Variants in CIMAP2 observed in about 807,000 individuals in gnomAD.
CIMAP2 encodes ciliary microtubule-associated protein 2.
chr1:54,836,303 GC>G, the CIMAP2 span, among the ~76,000 whole-genome samples: 3 of 196 alleles, frequency 0.015, no homozygotes, highest in South Asian at 0.14. Context: ...CTGCCTGCCT[GC>G]CTGCCTGCCT....
chr1:54,838,725 C>T, the CIMAP2 span, among the ~76,000 whole-genome samples: 16 of 152,074 alleles, frequency 1.1e-4, no homozygotes, highest in African/African-American at 2.9e-4. Context: ...CTGGGATGGT[C>T]TTGGATGGAA....
the CIMAP2 span, chr1:54,807,605 G>T: frequency 6.2e-7 from 1 of 1,609,340 alleles, no homozygotes; most frequent in Non-Finnish European, 8.5e-7. Context: ...GTGGACACAG[G>T]CTGGGCCAAG....
At chr1:54,811,772 T>TTCCCCCACCCCCCC in the CIMAP2 span, 2 of 454,868 alleles carry the variant, frequency 4.4e-6, no homozygotes, top group South Asian at 1.6e-5. Flanking sequence ...ACAGCCTCCA[T>TTCCCCCACCCCCCC]GCCCCCACCC....
chr1:54,836,718 T>A, the CIMAP2 span, among the ~76,000 whole-genome samples: 61 of 152,012 alleles, frequency 4.0e-4, 1 homozygote, highest in African/African-American at 1.4e-3. Flanking sequence ...CCTGGAAAGG[T>A]GGCCTGGAGA....
chr1:54,828,124 A>G, the CIMAP2 span, among the ~76,000 whole-genome samples: 1 of 152,240 alleles, frequency 6.6e-6, no homozygotes, highest in African/African-American at 2.4e-5. Flanking sequence ...TAAATAAGAA[A>G]TATAAAATAT....
At chr1:54,814,162 CCT>C in the CIMAP2 span, among the ~76,000 whole-genome samples, 2 of 152,150 alleles carry the variant, frequency 1.3e-5, no homozygotes, top group Admixed American at 6.5e-5. Context: ...GGTTTATACC[CCT>C]GTCCTATGAA....
At chr1:54,807,510 C>A in the CIMAP2 span, 1 of 1,508,822 alleles carries the variant, frequency 6.6e-7, no homozygotes. Flanking sequence ...ACAGCTCTGA[C>A]CACACTCTGA....
At chr1:54,842,128 G>A in the CIMAP2 span, 1 of 559,084 alleles carries the variant, frequency 1.8e-6, no homozygotes, top group Non-Finnish European at 3.2e-6. Flanking sequence ...CTCAGCCAGT[G>A]ACATGAACAT....
chr1:54,813,380 G>A, the CIMAP2 span, among the ~76,000 whole-genome samples: 6 of 152,308 alleles, frequency 3.9e-5, no homozygotes, highest in South Asian at 6.2e-4. Context: ...GGCCAAATGC[G>A]TGACATGCAG....
At chr1:54,840,842 A>G in the CIMAP2 span, among the ~76,000 whole-genome samples, 3 of 152,236 alleles carry the variant, frequency 2.0e-5, no homozygotes, top group Non-Finnish European at 4.4e-5. Flanking sequence ...TAGATATTCT[A>G]AGCATAAGTC....
At chr1:54,826,417 G>A in the CIMAP2 span, among the ~76,000 whole-genome samples, 3 of 152,330 alleles carry the variant, frequency 2.0e-5, no homozygotes, top group South Asian at 6.2e-4. Context: ...CACTGCAGCT[G>A]TCTGAGTGGA....
chr1:54,840,117 T>C, the CIMAP2 span, among the ~76,000 whole-genome samples: 2 of 152,022 alleles, frequency 1.3e-5, no homozygotes, highest in South Asian at 4.1e-4. Context: ...ATATAGAATA[T>C]TCCCATCCCC....
At chr1:54,809,499 T>C in the CIMAP2 span, among the ~76,000 whole-genome samples, 12 of 152,232 alleles carry the variant, frequency 7.9e-5, no homozygotes, top group Non-Finnish European at 1.5e-5. Context: ...ATTAATTTCA[T>C]GTTCATGACA....
At chr1:54,816,978 C>T in the CIMAP2 span, 1 of 1,614,148 alleles carries the variant, frequency 6.2e-7, no homozygotes, top group Non-Finnish European at 8.5e-7. Context: ...GCCATCCTCT[C>T]CCTGTTGCAG....
At chr1:54,831,589 G>A in the CIMAP2 span, among the ~76,000 whole-genome samples, 1 of 152,096 alleles carries the variant, frequency 6.6e-6, no homozygotes, top group Non-Finnish European at 1.5e-5. Flanking sequence ...GGAGGCGGAG[G>A]GTGCAGTGAG....
the CIMAP2 span, among the ~76,000 whole-genome samples, chr1:54,808,615 G>GGGGGT: frequency 7.9e-5 from 11 of 138,716 alleles, 1 homozygote; most frequent in Admixed American, 1.4e-4. Context: ...GTGCTGCCGG[G>GGGGGT]GGAGGGCAGT....
the CIMAP2 span, among the ~76,000 whole-genome samples, chr1:54,820,628 C>T: frequency 6.6e-6 from 1 of 152,188 alleles, no homozygotes; most frequent in African/African-American, 2.4e-5. Flanking sequence ...GCCATCTTAA[C>T]TGGGGTGAGA....
At chr1:54,808,969 C>A in the CIMAP2 span, among the ~76,000 whole-genome samples, 2 of 7,362 alleles carry the variant, frequency 2.7e-4, no homozygotes, top group Non-Finnish European at 8.7e-4. Flanking sequence ...CCTCCCTTGG[C>A]AGCCTCTTCT....
chr1:54,811,671 A>C, the CIMAP2 span: 5 of 1,089,270 alleles, frequency 4.6e-6, no homozygotes, highest in Non-Finnish European at 5.4e-6. Flanking sequence ...GCAGGTAGCA[A>C]GCGGACACCC....
Sources: gnomAD v4.1 joint callset for allele counts (sites outside exome capture counted in the v4.1 genomes callset) on GRCh38, gnomAD v4.1.1 for gene constraint, MANE v1.5 for transcripts, NCBI Gene and HGNC (gene_info 2026-07-23, HGNC 2026-07-21) for gene names.